The following GLRA3 variants were observed in gnomAD, a reference collection of about 807,000 sequenced individuals.
GLRA3 encodes glycine receptor alpha 3.
GLRA3 carries 44 observed loss-of-function variants against 60.4 expected under a neutral mutation model. The observed-to-expected ratio is 0.73, with a 90% CI of 0.57 to 0.94. The LOEUF (loss-of-function observed/expected upper bound fraction) is 0.94. GLRA3 is among the 40% of genes least tolerant of loss of function. The pLI is 0.00. For synonymous variants in GLRA3, 223 were observed against 192.9 expected, an observed-to-expected ratio of 1.16 and a Z score of -1.29; for missense variants, 508 against 564.6, an observed-to-expected ratio of 0.90 and a Z score of 1.02.
intron 3 of GLRA3, among the ~76,000 whole-genome samples, chr4:174,745,510 T>C (rs1737208913): frequency 6.6e-6 from 1 of 152,284 alleles, no homozygotes; most frequent in Non-Finnish European, 1.5e-5. Flanking sequence ...ATTTTCATAG[T>C]TTTGGGTCTA....
chr4:174,655,420 T>C (rs1013026711), intron 9 of GLRA3, among the ~76,000 whole-genome samples: 3 of 152,172 alleles, frequency 2.0e-5, no homozygotes, highest in East Asian at 1.9e-4. Context: ...TTATTGTTTC[T>C]TCTATAAAAA....
At chr4:174,746,499 C>A (rs951768253) in intron 3 of GLRA3, among the ~76,000 whole-genome samples, 1 of 152,018 alleles carries the variant, frequency 6.6e-6, no homozygotes, top group Non-Finnish European at 1.5e-5. Flanking sequence ...CTGGGGAGAC[C>A]GGGTAGTGGG....
intron 7 of GLRA3, among the ~76,000 whole-genome samples, chr4:174,670,477 T>C (rs938184457): frequency 1.2e-4 from 18 of 152,192 alleles, no homozygotes; most frequent in African/African-American, 4.1e-4. Context: ...GGACTCAGGG[T>C]ACGATTCTAG....
chr4:174,672,772 G>A (rs768608383), intron 7 of GLRA3, among the ~76,000 whole-genome samples: 23 of 152,200 alleles, frequency 1.5e-4, no homozygotes, highest in Non-Finnish European at 2.8e-4. Context: ...GGATAATTGC[G>A]ATGTAACTGG....
chr4:174,748,165 A>C (rs1737324280), intron 3 of GLRA3, among the ~76,000 whole-genome samples: 1 of 152,310 alleles, frequency 6.6e-6, no homozygotes, highest in Admixed American at 6.5e-5. Flanking sequence ...TAGTGCAAAT[A>C]GATTTGGGAA....
At chr4:174,822,169 G>A (rs1740765876) in intron 1 of GLRA3, among the ~76,000 whole-genome samples, 1 of 152,164 alleles carries the variant, frequency 6.6e-6, no homozygotes, top group East Asian at 1.9e-4. Context: ...TTGGGGTTTT[G>A]CTTCCCCAGT....
At chr4:174,781,447 C>A (rs1332470431) in intron 2 of GLRA3, among the ~76,000 whole-genome samples, 2 of 141,122 alleles carry the variant, frequency 1.4e-5, no homozygotes, top group East Asian at 4.1e-4. Context: ...TAGCAGAAGG[C>A]AAGAAATAAC....
At position 174,656,752 on chromosome 4, in the gene GLRA3, G is replaced by A. The variant is rs1561035613; in HGVS notation, c.1107C>T (p.Phe369=). ...EAFALEKFYR[F]SDMDDEVRES... ...AAGAAAGTCAATTTACCATATCTGA[G>A]AAACGGTAAAACTTCTCCAGTGCAA... Residue 369 remains phenylalanine (F), a synonymous_variant, in exon 9 of 10, where the codon TTC becomes TTT. Coordinates refer to ENST00000274093, the MANE Select transcript of GLRA3 (RefSeq NM_006529.4). 1 of 1,574,996 alleles carries A rather than the reference G, an allele frequency of 6.3e-7. No individual in the cohort carries two copies. The highest frequency in any genetic ancestry group is 2.2e-5 in the East Asian group (1 of 44,534).
chr4:174,789,098 A>T (rs1739230847), intron 1 of GLRA3, among the ~76,000 whole-genome samples, 155 bp from the exon 2 acceptor site: 1 of 152,210 alleles, frequency 6.6e-6, no homozygotes, highest in Non-Finnish European at 1.5e-5. Flanking sequence ...TAAGATAGAC[A>T]TTTATAGATT....
At chr4:174,780,806 T>G (rs1738837050) in intron 2 of GLRA3, among the ~76,000 whole-genome samples, 1 of 152,030 alleles carries the variant, frequency 6.6e-6, no homozygotes, top group African/African-American at 2.4e-5. Flanking sequence ...GCACCCACAT[T>G]CATAAAGCAA....
In GLRA3 at chr4:174,637,040, A is replaced by C. The variant is rs1288389911; in HGVS notation, c.*6746T>G. On this transcript the variant is annotated 3_prime_UTR_variant, in exon 10 of 10. Transcript: ENST00000274093. ...GAGAGTCTGTTAGTTGCAAAATTGA[A>C]CTAAATATAATATAATGAAAAACAA... is the stretch of plus-strand genomic sequence containing the variant. The C allele has an allele frequency of 6.6e-6, 1 of 152,204 alleles. No individual in the cohort carries two copies. The highest frequency in any genetic ancestry group is 1.5e-5 in the Non-Finnish European group (1 of 68,012). The allele number at this position is 152,204 out of a possible 1,614,324, so 9.4% of individuals were successfully genotyped here.
intron 1 of GLRA3, among the ~76,000 whole-genome samples, chr4:174,792,958 G>C (rs192190340): frequency 6.6e-6 from 1 of 152,128 alleles, no homozygotes; most frequent in Admixed American, 6.5e-5. Flanking sequence ...CTGAAGAGAG[G>C]GGGTGGGAAG....
rs541663322 is a variant in GLRA3, at chr4:174,711,533, G to A, written c.574+3955C>T. 2.2e-3 allele frequency among the ~76,000 whole-genome samples: 330 copies of A among 151,362 alleles called. 2 individuals are homozygous for A. The highest frequency in any genetic ancestry group is 2.6e-3 in the Non-Finnish European group (175 of 67,846). Reference sequence around the variant, plus strand: ...TGGCTCACTGCAACCCCCACCTCCCGGGTTCAAGCGATTCTCCAGCCTCAG... The same window carrying A: ...TGGCTCACTGCAACCCCCACCTCCCAGGTTCAAGCGATTCTCCAGCCTCAG... On this transcript the variant is annotated intron_variant, in intron 5 of 9. Transcript: ENST00000274093.
At chr4:174,756,569 C>T (rs2111209374) in intron 3 of GLRA3, among the ~76,000 whole-genome samples, 1 of 151,834 alleles carries the variant, frequency 6.6e-6, no homozygotes, top group South Asian at 2.1e-4. Context: ...TAAAACATCT[C>T]AGCAAACAAC....
intron 8 of GLRA3, among the ~76,000 whole-genome samples, chr4:174,658,783 TAA>T (rs1032709086): frequency 2.6e-5 from 4 of 152,202 alleles, no homozygotes; most frequent in Admixed American, 6.5e-5. Flanking sequence ...AATTAAAATT[TAA>T]AAAGTGTTGT....
intron 5 of GLRA3, among the ~76,000 whole-genome samples, chr4:174,702,394 C>T (rs989346866): frequency 6.6e-6 from 1 of 152,178 alleles, no homozygotes; most frequent in African/African-American, 2.4e-5. Flanking sequence ...CTTTTATATA[C>T]ACTGGGAAAC....
chr4:174,769,645 A>T (rs912807460), intron 2 of GLRA3, among the ~76,000 whole-genome samples: 1 of 152,034 alleles, frequency 6.6e-6, no homozygotes, highest in African/African-American at 2.4e-5. Flanking sequence ...CAATCATGCT[A>T]GGAATTACTT....
intron 5 of GLRA3, among the ~76,000 whole-genome samples, chr4:174,706,648 G>A (rs1735531650): frequency 6.6e-6 from 1 of 152,186 alleles, no homozygotes; most frequent in Non-Finnish European, 1.5e-5. Flanking sequence ...AACCCTGCTT[G>A]AGCAGGACAA....
At chr4:174,693,179 A>T (rs914179587) in intron 5 of GLRA3, among the ~76,000 whole-genome samples, 2 of 152,026 alleles carry the variant, frequency 1.3e-5, no homozygotes, top group Non-Finnish European at 2.9e-5. Context: ...CCACTTGTTG[A>T]TTTTTGTTTT....
Sources: gnomAD v4.1 joint callset for allele counts (sites outside exome capture counted in the v4.1 genomes callset) on GRCh38, gnomAD v4.1.1 for gene constraint, MANE v1.5 for transcripts, NCBI Gene and HGNC (gene_info 2026-07-23, HGNC 2026-07-21) for gene names.